The following SEC14L5 variants were observed in gnomAD, a reference collection of about 807,000 sequenced individuals.
The protein encoded by SEC14L5 is SEC14-like protein 5.
SEC14L5 carries 96 observed loss-of-function variants against 84.6 expected under a neutral mutation model. That is an observed-to-expected ratio of 1.13 (90% CI 0.96 to 1.34). The LOEUF (loss-of-function observed/expected upper bound fraction) is 1.34, where lower values mean the gene tolerates loss of function less well. Ranked by LOEUF, SEC14L5 falls within the 40% of genes most tolerant of loss-of-function variation. SEC14L5 has a pLI of 0.00. For missense variants in SEC14L5, 1,224 were observed against 942.5 expected (o/e 1.30, Z -3.91); for synonymous variants, 546 against 383.4 (o/e 1.42, Z -4.95).
intron 2 of SEC14L5, among the ~76,000 whole-genome samples, chr16:4,976,201 G>A (rs1006791671): frequency 6.6e-6 from 1 of 152,170 alleles, no homozygotes. Context: ...AAGTAGCAAG[G>A]TAGCTACTTT....
intron 2 of SEC14L5, among the ~76,000 whole-genome samples, chr16:4,983,605 G>A (rs934231100): frequency 1.3e-5 from 2 of 151,030 alleles, no homozygotes; most frequent in South Asian, 2.1e-4. Context: ...GGCCAGGCGC[G>A]GTGGCTCACG....
chr16:4,979,611 G>A (rs2142493389), intron 2 of SEC14L5, among the ~76,000 whole-genome samples: 1 of 152,296 alleles, frequency 6.6e-6, no homozygotes, highest in South Asian at 2.1e-4. Context: ...TGCCTGACCA[G>A]CCACCCGCTA....
At chr16:4,988,692 G>C (rs1485325095) in intron 4 of SEC14L5, among the ~76,000 whole-genome samples, 1 of 152,174 alleles carries the variant, frequency 6.6e-6, no homozygotes, top group Non-Finnish European at 1.5e-5. Flanking sequence ...TACACAGGTA[G>C]TATGTGGCGC....
At position 5,011,829 on chromosome 16, in the gene SEC14L5, G is replaced by A. The variant is rs202190167; in HGVS notation, c.1979+556G>A. Among the ~76,000 whole-genome samples, 9 of 152,252 alleles carry A rather than the reference G, an allele frequency of 5.9e-5. No individual in the cohort carries two copies. The East Asian group carries it at 1.6e-3, about 26-fold the overall frequency. ...GGTTTGTCATGAGGATGAGATGGCT[G>A]GGGGAAGCTGCCTGTCACCTGGGCA... On this transcript the variant is annotated intron_variant, in intron 15 of 15. Transcript: ENST00000251170.
At chr16:4,999,331 G>A (rs1052707637) in intron 8 of SEC14L5, among the ~76,000 whole-genome samples, 1 of 152,174 alleles carries the variant, frequency 6.6e-6, no homozygotes, top group South Asian at 2.1e-4. Flanking sequence ...CAAGCCGGGC[G>A]CAGTGGCTCA....
intron 2 of SEC14L5, among the ~76,000 whole-genome samples, chr16:4,963,018 C>T (rs537625924): frequency 6.6e-6 from 1 of 152,296 alleles, no homozygotes; most frequent in South Asian, 2.1e-4. Flanking sequence ...TTCAGATGAA[C>T]TCAGCTATTT....
chr16:4,991,298 T>C (rs1375655728), intron 5 of SEC14L5, among the ~76,000 whole-genome samples: 1 of 151,698 alleles, frequency 6.6e-6, no homozygotes, highest in Admixed American at 6.6e-5. Context: ...TTTTAAACAA[T>C]GTGTTATCAA....
rs760489014 is a variant in SEC14L5, at chr16:5,008,625, T to G, written c.1777T>G (p.Cys593Gly). 6.2e-7 allele frequency: 1 copy of G among 1,605,490 alleles called. No individual in the cohort carries two copies. Among genetic ancestry groups the G allele is most frequent in the Non-Finnish European group, 8.5e-7 (1 of 1,177,758 alleles). Reference sequence around the variant, plus strand: ...CAGCCGTGTGGAGGCTCCCCTTGTCTGCCGGGAGGGGGAGAGCATCCAGGT... The same window carrying G: ...CAGCCGTGTGGAGGCTCCCCTTGTCGGCCGGGAGGGGGAGAGCATCCAGGT... ...DYSRVEAPLV[C>G]REGESIQGSH... Residue 593 changes from cysteine (C) to glycine (G), a missense_variant, in exon 14 of 16, where the codon TGC becomes GGC. Coordinates refer to ENST00000251170, the MANE Select transcript of SEC14L5 (RefSeq NM_014692.2).
chr16:5,004,937 A>G (rs958038363), intron 11 of SEC14L5, among the ~76,000 whole-genome samples: 1 of 152,218 alleles, frequency 6.6e-6, no homozygotes, highest in African/African-American at 2.4e-5. Context: ...TCCAACACGG[A>G]GGGACCTCGA....
chr16:4,990,727 C>G, intron 4 of SEC14L5, 40 bp from the exon 5 acceptor site: 2 of 1,570,436 alleles, frequency 1.3e-6, no homozygotes, highest in Non-Finnish European at 1.7e-6. Context: ...AGGGTGCCCC[C>G]GACATTGAGT....
chr16:4,991,556 A>T (rs1453989286), intron 5 of SEC14L5, among the ~76,000 whole-genome samples: 1 of 152,094 alleles, frequency 6.6e-6, no homozygotes, highest in Non-Finnish European at 1.5e-5. Context: ...ACACAGCAAG[A>T]CACTGTCTCA....
At chr16:4,988,499 T>C (rs562723232) in intron 4 of SEC14L5, among the ~76,000 whole-genome samples, 1 of 152,378 alleles carries the variant, frequency 6.6e-6, no homozygotes, top group South Asian at 2.1e-4. Flanking sequence ...GATATACTTA[T>C]ACTCAAATGT....
intron 10 of SEC14L5, 21 bp downstream of exon 10, chr16:5,000,946 C>G (rs200511127): frequency 2.3e-4 from 369 of 1,580,770 alleles, no homozygotes; most frequent in Admixed American, 3.9e-4. Context: ...GGGCTGGGCA[C>G]AAATCCCCCC....
chr16:4,987,645 C>A lies in SEC14L5; in HGVS notation c.152C>A (p.Ala51Asp). ...CGCGAGTCCCGCAGCCCGGACGGGG[C>A]TGTGCACGTGGTGGAGCGGAGCTGC... is the stretch of plus-strand genomic sequence containing the variant. The part of the protein sequence containing the change: ...VLRESRSPDG[A>D]VHVVERSCRL... The change falls in exon 3 of 16, where the codon GCT becomes GAT. Residue 51 changes from alanine (A) to aspartate (D), a missense_variant. By Grantham distance (126) the Ala-to-Asp change is moderately radical. Coordinates refer to ENST00000251170, the MANE Select transcript of SEC14L5 (RefSeq NM_014692.2). 6.4e-7 allele frequency: 1 copy of A among 1,554,926 alleles called. No individual in the cohort carries two copies. The highest frequency in any genetic ancestry group is 1.2e-5 in the South Asian group (1 of 84,364).
intron 2 of SEC14L5, among the ~76,000 whole-genome samples, chr16:4,972,840 CTT>C (rs1955297137): frequency 6.6e-6 from 1 of 152,168 alleles, no homozygotes; most frequent in South Asian, 2.1e-4. Flanking sequence ...TTGGTTTGCT[CTT>C]GTCCATTAAG....
chr16:5,004,360 C>T (rs1368650613), intron 11 of SEC14L5, among the ~76,000 whole-genome samples: 1 of 152,110 alleles, frequency 6.6e-6, no homozygotes, highest in African/African-American at 2.4e-5. Flanking sequence ...ATTAAGTCCA[C>T]CTGCTGTTTG....
intron 14 of SEC14L5, 138 bp from the exon 15 acceptor site, chr16:5,010,957 C>T (rs2142534705): frequency 2.6e-6 from 2 of 758,348 alleles, no homozygotes; most frequent in East Asian, 5.4e-5. Flanking sequence ...GGAGGAGTTG[C>T]TGGTGGACTG....
intron 2 of SEC14L5, among the ~76,000 whole-genome samples, chr16:4,966,010 C>T (rs543834126): frequency 2.0e-5 from 3 of 151,916 alleles, no homozygotes; most frequent in Non-Finnish European, 2.9e-5. Flanking sequence ...CTACTGCAGT[C>T]CACCCTGGGC....
rs189047564 is a variant in SEC14L5, at chr16:4,998,952, A to G, written c.971-1703A>G. Among the ~76,000 whole-genome samples, 320 of 152,282 alleles carry G rather than the reference A, an allele frequency of 2.1e-3. 5 individuals carry two copies. Among genetic ancestry groups the G allele is most frequent in the Non-Finnish European group, 4.7e-4 (32 of 68,022 alleles). ...AGAACTTTTTCAGTCATGCTGAGAC[A>G]TATTCAGAGTGGCGAAGTATTGGAG... On this transcript the variant is annotated intron_variant, in intron 8 of 15. Coordinates refer to ENST00000251170, the MANE Select transcript of SEC14L5 (RefSeq NM_014692.2).
Sources: gnomAD v4.1 joint callset for allele counts (sites outside exome capture counted in the v4.1 genomes callset) on GRCh38, gnomAD v4.1.1 for gene constraint, MANE v1.5 for transcripts, NCBI Gene and HGNC (gene_info 2026-07-23, HGNC 2026-07-21) for gene names.